RPS6KA2: variants seen among roughly 807,000 people sequenced by gnomAD.
RPS6KA2 encodes the protein ribosomal protein S6 kinase alpha-2.
A neutral mutation model predicts 91.8 loss-of-function variants in RPS6KA2; 42 were observed. The observed-to-expected ratio is 0.46, with a 90% CI of 0.36 to 0.59. The LOEUF (loss-of-function observed/expected upper bound fraction) is 0.59. RPS6KA2 is among the 20% of genes least tolerant of loss of function. RPS6KA2 has a pLI of 0.00. For synonymous variants in RPS6KA2, 414 were observed against 393.6 expected, an observed-to-expected ratio of 1.05 and a Z score of -0.61; for missense variants, 798 against 978.5, an observed-to-expected ratio of 0.82 and a Z score of 2.46.
At chr6:166,517,103 G>GC (rs1782672590) in intron 3 of RPS6KA2, among the ~76,000 whole-genome samples, 1 of 150,314 alleles carries the variant, frequency 6.7e-6, no homozygotes, top group African/African-American at 2.4e-5. Context: ...CCTAGTTACA[G>GC]TAAAAAAAAA....
rs561276848 is a variant in RPS6KA2 at position 166,477,134 on chromosome 6, G to A, written c.908-7229C>T. On this transcript the variant is annotated intron_variant, in intron 10 of 20. Transcript: ENST00000265678. ...AGCTCCGCAGGCAACTAAATCCAGCGCCCTCCCTGGATAAAGGCTGGGCAA... is the reference window on the plus strand; with the variant it reads ...AGCTCCGCAGGCAACTAAATCCAGCACCCTCCCTGGATAAAGGCTGGGCAA... Among the ~76,000 whole-genome samples the A allele has an allele frequency of 7.9e-5, 12 of 152,246 alleles. No homozygotes were observed. The South Asian group carries it at 2.3e-3, about 29-fold the overall frequency.
At chr6:166,780,932 A>G (rs1407003745) in intron 2 of RPS6KA2, among the ~76,000 whole-genome samples, 2 of 152,220 alleles carry the variant, frequency 1.3e-5, no homozygotes, top group Admixed American at 1.3e-4. Context: ...CCACGCTGCA[A>G]TCAAGTTCAT....
At position 166,411,120 on chromosome 6, in the gene RPS6KA2, T is replaced by C. The variant is rs1271068216; in HGVS notation, c.*1642A>G. 2.6e-5 allele frequency: 4 copies of C among 151,904 alleles called. No individual in the cohort carries two copies. The highest frequency in any genetic ancestry group is 4.8e-5 in the African/African-American group (2 of 41,362). 9.4% of individuals were successfully genotyped at this position (151,904 alleles called of 1,614,324 possible). A position where few individuals can be genotyped will look rare whatever the true frequency, so the allele number is the denominator to read the frequency against. ...TTCTCTAAGAAAAAAAAAATCCACA[T>C]GGATTAAAGCTTGTGAAACAAGTTT... is the stretch of plus-strand genomic sequence containing the variant. On this transcript the variant is annotated 3_prime_UTR_variant, in exon 21 of 21. Coordinates refer to ENST00000265678, the MANE Select transcript of RPS6KA2 (RefSeq NM_021135.6). This position sits in a 1 kb window ranked among gnomAD's most constrained non-coding sequence, Gnocchi z 4.5.
intron 2 of RPS6KA2, among the ~76,000 whole-genome samples, chr6:166,659,015 G>A (rs9366037): frequency 2.2e-4 from 34 of 151,964 alleles, no homozygotes; most frequent in African/African-American, 4.8e-5. Context: ...ATGCTTCTCC[G>A]GTAAACTGTG....
At chr6:166,502,984 T>C (rs372498079) in intron 6 of RPS6KA2, among the ~76,000 whole-genome samples, 54 of 152,246 alleles carry the variant, frequency 3.5e-4, no homozygotes, top group African/African-American at 1.3e-3. Flanking sequence ...ATGAGATATC[T>C]TGGAGATGGG....
intron 19 of RPS6KA2, among the ~76,000 whole-genome samples, chr6:166,417,651 A>G (rs551040768): frequency 6.9e-6 from 1 of 145,414 alleles, no homozygotes; most frequent in Non-Finnish European, 1.5e-5. Flanking sequence ...ACACACACAC[A>G]CGCACGCATG....
intron 2 of RPS6KA2, among the ~76,000 whole-genome samples, chr6:166,655,031 C>T (rs767449650): frequency 2.6e-5 from 4 of 152,152 alleles, no homozygotes; most frequent in Admixed American, 6.5e-5. Context: ...TGAACAGCAC[C>T]TGGATGGCAG....
intron 2 of RPS6KA2, among the ~76,000 whole-genome samples, chr6:166,655,993 C>A (rs979255172): frequency 5.3e-5 from 8 of 152,194 alleles, no homozygotes; most frequent in Admixed American, 5.2e-4. Context: ...AGGCGCCCTG[C>A]GGTAGATACA....
At chr6:166,517,189 A>AACAAT (rs1437886854) in intron 3 of RPS6KA2, among the ~76,000 whole-genome samples, 3 of 152,152 alleles carry the variant, frequency 2.0e-5, no homozygotes, top group Admixed American at 2.0e-4. Flanking sequence ...AACAAAACAA[A>AACAAT]ACAAAACAAA....
chr6:166,564,328 G>A (rs573552336), intron 1 of RPS6KA2, among the ~76,000 whole-genome samples: 2 of 152,206 alleles, frequency 1.3e-5, no homozygotes, highest in South Asian at 2.1e-4. Context: ...CTGTTTCCAG[G>A]GTTCCCAGTG....
chr6:166,709,516 G>A (rs897059952), intron 2 of RPS6KA2, among the ~76,000 whole-genome samples: 1 of 152,118 alleles, frequency 6.6e-6, no homozygotes, highest in African/African-American at 2.4e-5. Flanking sequence ...ACTATTTGAT[G>A]GCTTCGCTTT....
intron 14 of RPS6KA2, among the ~76,000 whole-genome samples, chr6:166,446,004 T>C (rs928652097): frequency 1.4e-5 from 2 of 140,650 alleles, no homozygotes; most frequent in African/African-American, 6.5e-5. Flanking sequence ...CATGAACAAG[T>C]CAGCAGATAC....
At chr6:166,822,477 C>T (rs910142006) in intron 2 of RPS6KA2, among the ~76,000 whole-genome samples, 2 of 152,186 alleles carry the variant, frequency 1.3e-5, no homozygotes, top group African/African-American at 2.4e-5. Flanking sequence ...CCTGTGGACA[C>T]CTTGACTTTT....
intron 8 of RPS6KA2, among the ~76,000 whole-genome samples, chr6:166,498,199 C>A (rs1486003894): frequency 6.6e-6 from 1 of 152,238 alleles, no homozygotes; most frequent in African/African-American, 2.4e-5. Context: ...AATACTTTAA[C>A]TCGAAAATCA....
At chr6:166,661,658 T>C (rs909552701) in intron 2 of RPS6KA2, among the ~76,000 whole-genome samples, 1 of 152,118 alleles carries the variant, frequency 6.6e-6, no homozygotes, top group Non-Finnish European at 1.5e-5. Flanking sequence ...TGCCTTATCA[T>C]TTTTAAATTT....
intron 2 of RPS6KA2, among the ~76,000 whole-genome samples, chr6:166,661,381 T>C (rs571359954): frequency 3.9e-5 from 6 of 152,376 alleles, no homozygotes; most frequent in Non-Finnish European, 7.3e-5. Flanking sequence ...ATTATAGGCA[T>C]GAGCCACCGC....
rs1456914367 is a variant in RPS6KA2 at position 166,534,661 on chromosome 6, C to T, written c.217-3348G>A. Reference sequence around the variant, plus strand: ...CTTGACACATGAAACTTTTCTCTCTCGTATGTTAGGCCTTAAAGATGAGAT... The same window carrying T: ...CTTGACACATGAAACTTTTCTCTCTTGTATGTTAGGCCTTAAAGATGAGAT... On this transcript the variant is annotated intron_variant, in intron 2 of 20. Transcript: ENST00000265678. 4.6e-5 allele frequency among the ~76,000 whole-genome samples: 7 copies of T among 152,306 alleles called. No individual in the cohort carries two copies. The East Asian group carries it at 7.7e-4, about 17-fold the overall frequency.
intron 2 of RPS6KA2, among the ~76,000 whole-genome samples, chr6:166,727,312 A>G (rs946367719): frequency 7.3e-6 from 1 of 137,564 alleles, no homozygotes; most frequent in Non-Finnish European, 1.5e-5. Context: ...TCATACTTAA[A>G]CAAACAAACA....
intron 10 of RPS6KA2, among the ~76,000 whole-genome samples, chr6:166,488,389 T>G (rs1246583163): frequency 2.0e-5 from 3 of 152,186 alleles, no homozygotes; most frequent in Non-Finnish European, 4.4e-5. Context: ...GGAGTAATCC[T>G]CAATACGCTG....
Sources: allele counts gnomAD v4.1 joint callset (sites outside exome capture counted in the v4.1 genomes callset), GRCh38; gene constraint gnomAD v4.1.1; non-coding constraint Gnocchi (gnomAD v3.1); transcripts MANE v1.5; gene names NCBI Gene and HGNC (gene_info 2026-07-23, HGNC 2026-07-21).